Variants in ZAR1 observed in about 807,000 individuals in gnomAD.
ZAR1 encodes the protein zygote arrest protein 1.
Under a neutral mutation model 38.3 loss-of-function variants are expected in ZAR1, and 37 were observed. The ratio of observed to expected loss-of-function variants is 0.97; its 90% CI spans 0.74 to 1.27. The LOEUF is 1.27. Among genes scored for constraint, ZAR1 ranks in the 50% most tolerant of loss-of-function variants. ZAR1 has a pLI of 0.00. For missense variants in ZAR1, 651 were observed against 632.4 expected, an observed-to-expected ratio of 1.03 and a Z score of -0.32; for synonymous variants, 336 against 292.0, an observed-to-expected ratio of 1.15 and a Z score of -1.53.
rs1421207918 is a variant in ZAR1, at chr4:48,490,402, C to T, written c.111C>T (p.Gly37=). The stretch of plus-strand genomic sequence containing the variant: ...CCACCAAGGGCAAGGGCGCGGCGGG[C>T]GGCAGCTGGCAGCAGCGCGGCAGGG... ...PAATKGKGAA[G]GSWQQRGRGC... Residue 37 remains glycine (G), a synonymous_variant, in exon 1 of 4, where the codon GGC becomes GGT. Coordinates refer to ENST00000327939, the MANE Select transcript of ZAR1 (RefSeq NM_175619.3). 5 of 1,493,250 alleles carry T rather than the reference C, an allele frequency of 3.3e-6. No individual in the cohort carries two copies. Among genetic ancestry groups the T allele is most frequent in the Admixed American group, 2.2e-5 (1 of 46,086 alleles). 92.5% of individuals were successfully genotyped at this position (1,493,250 alleles called of 1,614,324 possible). A position where few individuals can be genotyped will look rare whatever the true frequency, so the allele number is the denominator to read the frequency against.
chr4:48,490,535 CGGCTCAT>C lies in ZAR1; in HGVS notation c.250_256del (p.Met84SerfsTer25). ...GTACTTCGACAGCTACCAGCGGGAGCGGCTCATGGCTCTCCTGGCGCAGGTGGGGCCG... is the reference window on the plus strand; with the variant it reads ...GTACTTCGACAGCTACCAGCGGGAGCGGCTCTCCTGGCGCAGGTGGGGCCG... On this transcript the variant is annotated frameshift_variant, in exon 1 of 4. Coordinates refer to ENST00000327939, the MANE Select transcript of ZAR1 (RefSeq NM_175619.3). LOFTEE classifies it high-confidence loss of function. 1 of 1,457,994 alleles carries C rather than the reference CGGCTCAT, an allele frequency of 6.9e-7. No individual in the cohort carries two copies. The highest frequency in any genetic ancestry group is 9.0e-7 in the Non-Finnish European group (1 of 1,114,500). 90.3% of individuals were successfully genotyped at this position (1,457,994 alleles called of 1,614,324 possible). A position where few individuals can be genotyped will look rare whatever the true frequency, so the allele number is the denominator to read the frequency against.
intron 1 of ZAR1, among the ~76,000 whole-genome samples, chr4:48,491,528 T>C (rs927112128): frequency 4.6e-5 from 7 of 151,818 alleles, no homozygotes; most frequent in African/African-American, 1.2e-4. Context: ...ATATTTGCAC[T>C]GTAAACCTCG....
At position 48,490,818 on chromosome 4, in the gene ZAR1, C is replaced by T. The variant is rs1449392109; in HGVS notation, c.527C>T (p.Pro176Leu). The change falls in exon 1 of 4, where the codon CCG becomes CTG. Residue 176 changes from proline (P) to leucine (L), a missense_variant. Transcript: ENST00000327939. The stretch of plus-strand genomic sequence containing the variant: ...GGCGCCCCGCGGCCCATGCGCTTCC[C>T]GCGCACCGTCGCCGTGTACTCGCCC... Reference protein sequence around the residue: ...QNGAPRPMRFPRTVAVYSPLA... With the variant: ...QNGAPRPMRFLRTVAVYSPLA... 6.6e-7 allele frequency: 1 copy of T among 1,507,568 alleles called. No individual in the cohort carries two copies. The highest frequency in any genetic ancestry group is 1.2e-5 in the South Asian group (1 of 80,838). 93.4% of individuals were successfully genotyped at this position (1,507,568 alleles called of 1,614,324 possible).
chr4:48,491,065 C>G lies in ZAR1; in HGVS notation c.774C>G (p.Asp258Glu), dbSNP rs923271859. 6.9e-6 allele frequency: 9 copies of G among 1,312,692 alleles called. No homozygotes were observed. The highest frequency in any genetic ancestry group is 8.7e-6 in the Non-Finnish European group (9 of 1,035,392). The allele number at this position is 1,312,692 out of a possible 1,614,324, so 81.3% of individuals were successfully genotyped here. A position where few individuals can be genotyped will look rare whatever the true frequency, so the allele number is the denominator to read the frequency against. ...AVRASWEQPA[D>E]GPELPPREAQ... ...GAGCGAGCTGGGAGCAGCCGGCCGACGGTCCCGAGCTGCCGCCGCGAGAGG... is the reference window on the plus strand; with the variant it reads ...GAGCGAGCTGGGAGCAGCCGGCCGAGGGTCCCGAGCTGCCGCCGCGAGAGG... Residue 258 changes from aspartate to glutamate, a missense_variant, in exon 1 of 4, where the codon GAC becomes GAG. By Grantham distance (45) the Asp-to-Glu change is conservative. Transcript: ENST00000327939.
At chr4:48,494,061 G>A (rs1391099135) in intron 3 of ZAR1, 40 bp from the exon 4 acceptor site, 1 of 1,600,476 alleles carries the variant, frequency 6.2e-7, no homozygotes, top group Non-Finnish European at 8.5e-7. Context: ...ATCACTAAGG[G>A]TTTATCTTCT....
At chr4:48,492,704 C>A in intron 1 of ZAR1, 62 bp from the exon 2 acceptor site, 3 of 1,509,060 alleles carry the variant, frequency 2.0e-6, no homozygotes, top group Non-Finnish European at 1.8e-6. Context: ...TCCTTCCCAA[C>A]GTCTGAAATG....
rs1298072299 is a variant in ZAR1 at position 48,494,090 on chromosome 4, T to C, written c.1132-11T>C. The C allele has an allele frequency of 6.2e-7, 1 of 1,609,422 alleles. No homozygotes were observed. Among genetic ancestry groups the C allele is most frequent in the East Asian group, 2.2e-5 (1 of 44,754 alleles). Reference sequence around the variant, plus strand: ...ATCTTCTGCATGCCCTTCTGTATTTTTTTCCCCCAGAGTTGTAAACAAACG... The same window carrying C: ...ATCTTCTGCATGCCCTTCTGTATTTCTTTCCCCCAGAGTTGTAAACAAACG... On this transcript the variant is annotated splice_polypyrimidine_tract_variant and intron_variant, in intron 3 of 3. Coordinates refer to ENST00000327939, the MANE Select transcript of ZAR1 (RefSeq NM_175619.3).
In ZAR1 at chr4:48,490,669, G is replaced by T. The variant is rs1265701683; in HGVS notation, c.378G>T (p.Thr126=). 1 of 1,313,000 alleles carries T rather than the reference G, an allele frequency of 7.6e-7. No homozygotes were observed. Among genetic ancestry groups the T allele is most frequent in the Non-Finnish European group, 9.7e-7 (1 of 1,035,876 alleles). The allele number at this position is 1,313,000 out of a possible 1,614,324, so 81.3% of individuals were successfully genotyped here. The change falls in exon 1 of 4, where the codon ACG becomes ACT. Residue 126 remains threonine, a synonymous_variant. Coordinates refer to ENST00000327939, the MANE Select transcript of ZAR1 (RefSeq NM_175619.3). ...TACAGTGCTCGCTGGGGAGGCGCAC[G>T]CTGCAGCGCCGGGCCCGCGACCCCG... ...AAVQCSLGRR[T]LQRRARDPES...
intron 3 of ZAR1, among the ~76,000 whole-genome samples, chr4:48,493,723 C>T (rs1718508766): frequency 6.6e-6 from 1 of 152,170 alleles, no homozygotes; most frequent in Admixed American, 6.5e-5. Flanking sequence ...TATGGAAAGC[C>T]ACTTAGAATC....
chr4:48,490,861 C>G lies in ZAR1; in HGVS notation c.570C>G (p.Leu190=), dbSNP rs1464854081. 1 of 1,464,612 alleles carries G rather than the reference C, an allele frequency of 6.8e-7. No homozygotes were observed. The highest frequency in any genetic ancestry group is 9.0e-7 in the Non-Finnish European group (1 of 1,113,296). The allele number at this position is 1,464,612 out of a possible 1,614,324, so 90.7% of individuals were successfully genotyped here. ...ACTCGCCCCTGGCCTTGCGCCGTCT[C>G]ACCGCCTTCCTGGAGGGGCCCGGGC... ...AVYSPLALRR[L]TAFLEGPGPA... is the part of the protein sequence containing the mutation. Residue 190 remains leucine, a synonymous_variant, in exon 1 of 4, where the codon CTC becomes CTG. Coordinates refer to ENST00000327939, the MANE Select transcript of ZAR1 (RefSeq NM_175619.3).
At chr4:48,496,840 T>C (rs1257409492), downstream of ZAR1, among the ~76,000 whole-genome samples, 1 of 152,206 alleles carries the variant, frequency 6.6e-6, no homozygotes, top group Non-Finnish European at 1.5e-5. Flanking sequence ...TGCTATAAAA[T>C]ACCAATAAAT....
In ZAR1 at chr4:48,494,249, AAGTC is replaced by A. The variant is rs750244578; in HGVS notation, c.*9_*12del. 2 of 1,613,964 alleles carry A rather than the reference AAGTC, an allele frequency of 1.2e-6. No homozygotes were observed. The highest frequency in any genetic ancestry group is 1.7e-5 in the Admixed American group (1 of 60,014). ...AGCTTCAAATACATCATTTAGGTGAAAGTCAGTGTTGCTGTGCATGCGCTGATGG... is the reference window on the plus strand; with the variant it reads ...AGCTTCAAATACATCATTTAGGTGAAAGTGTTGCTGTGCATGCGCTGATGG... On this transcript the variant is annotated 3_prime_UTR_variant, in exon 4 of 4. Transcript: ENST00000327939.
At position 48,494,379 on chromosome 4, in the gene ZAR1, T is replaced by C. The variant is rs756261527; in HGVS notation, c.*135T>C. ...CTGAAAAAGCCTTCAAATAAAGGTA[T>C]TGCAACACGATTTATACATTGCATA... is the stretch of plus-strand genomic sequence containing the variant. On this transcript the variant is annotated 3_prime_UTR_variant, in exon 4 of 4. Transcript: ENST00000327939. 26 of 1,131,336 alleles carry C rather than the reference T, an allele frequency of 2.3e-5. No individual in the cohort carries two copies. The highest frequency in any genetic ancestry group is 3.2e-5 in the Non-Finnish European group (25 of 786,814). 70.1% of individuals were successfully genotyped at this position (1,131,336 alleles called of 1,614,324 possible). A position where few individuals can be genotyped will look rare whatever the true frequency, so the allele number is the denominator to read the frequency against.
chr4:48,493,029 G>A lies in ZAR1; in HGVS notation c.1131+17G>A, dbSNP rs186408169. On this transcript the variant is annotated intron_variant, in intron 3 of 3. Coordinates refer to ENST00000327939, the MANE Select transcript of ZAR1 (RefSeq NM_175619.3). ...ACCTGTCAAGTAAATCAGATGTTTT[G>A]CATTTTGTCTGACCTGGGCAGTCGT... The A allele has an allele frequency of 1.4e-3, 2,219 of 1,613,510 alleles. 3 individuals carry two copies. The highest frequency in any genetic ancestry group is 3.8e-3 in the Middle Eastern group (23 of 6,060).
At chr4:48,492,104 C>A (rs1159184655) in intron 1 of ZAR1, among the ~76,000 whole-genome samples, 3 of 152,180 alleles carry the variant, frequency 2.0e-5, no homozygotes, top group Admixed American at 1.3e-4. Context: ...TGTGTGTGAT[C>A]TTAGGCCAGT....
chr4:48,494,086 A>AT lies in ZAR1; in HGVS notation c.1132-8dup, dbSNP rs761136047. 9.3e-6 allele frequency: 15 copies of AT among 1,608,830 alleles called. No individual in the cohort carries two copies. The highest frequency in any genetic ancestry group is 3.4e-5 in the Admixed American group (2 of 59,534). On this transcript the variant is annotated splice_polypyrimidine_tract_variant and intron_variant, in intron 3 of 3. Coordinates refer to ENST00000327939, the MANE Select transcript of ZAR1 (RefSeq NM_175619.3). Reference sequence around the variant, plus strand: ...GTTTATCTTCTGCATGCCCTTCTGTATTTTTTTCCCCCAGAGTTGTAAACA... The same window carrying AT: ...GTTTATCTTCTGCATGCCCTTCTGTATTTTTTTTCCCCCAGAGTTGTAAACA...
downstream of ZAR1, among the ~76,000 whole-genome samples, chr4:48,494,648 C>A (rs538247924): frequency 6.6e-6 from 1 of 151,954 alleles, no homozygotes; most frequent in South Asian, 2.1e-4. Flanking sequence ...AGCGATCGCG[C>A]CACTGCACTC....
intron 1 of ZAR1, among the ~76,000 whole-genome samples, chr4:48,492,040 T>G (rs1239790484): frequency 6.7e-6 from 1 of 150,074 alleles, no homozygotes; most frequent in Admixed American, 7.0e-5. Flanking sequence ...GTAGGCTGAT[T>G]GTGCGAGGAG....
Position 48,494,374 on chromosome 4 carries a change from AG to A in ZAR1, c.*132del. On this transcript the variant is annotated 3_prime_UTR_variant, in exon 4 of 4. Coordinates refer to ENST00000327939, the MANE Select transcript of ZAR1 (RefSeq NM_175619.3). ...GTATTCTGAAAAAGCCTTCAAATAA[AG>A]GTATTGCAACACGATTTATACATTG... The A allele has an allele frequency of 8.4e-7, 1 of 1,192,902 alleles. No homozygotes were observed. The highest frequency in any genetic ancestry group is 2.7e-4 in the Middle Eastern group (1 of 3,710). The allele number at this position is 1,192,902 out of a possible 1,614,324, so 73.9% of individuals were successfully genotyped here.
Sources: allele counts gnomAD v4.1 joint callset (sites outside exome capture counted in the v4.1 genomes callset), GRCh38; gene constraint gnomAD v4.1.1; transcripts MANE v1.5; gene names NCBI Gene and HGNC (gene_info 2026-07-23, HGNC 2026-07-21).